The following PRKG2 variants were observed in gnomAD, a reference collection of about 807,000 sequenced individuals.
The protein encoded by PRKG2 is protein kinase cGMP-dependent 2.
A neutral mutation model predicts 97.2 loss-of-function variants in PRKG2; 33 were observed. The ratio of observed to expected loss-of-function variants is 0.34; its 90% CI spans 0.26 to 0.45. The LOEUF is 0.45. Ranked by LOEUF, PRKG2 falls within the 20% of genes least tolerant of loss-of-function variation. PRKG2 has a pLI of 1.00. For missense variants in PRKG2, 638 were observed against 900.0 expected (o/e 0.71, Z 3.73); for synonymous variants, 330 against 321.8 (o/e 1.03, Z -0.27).
chr4:81,156,630 T>C (rs1749123517), intron 6 of PRKG2, among the ~76,000 whole-genome samples: 1 of 152,080 alleles, frequency 6.6e-6, no homozygotes, highest in East Asian at 1.9e-4. Context: ...AATATACATT[T>C]TTTTCAGCAC....
chr4:81,150,136 T>TA (rs1399810371), intron 8 of PRKG2, among the ~76,000 whole-genome samples: 2 of 152,146 alleles, frequency 1.3e-5, no homozygotes, highest in Non-Finnish European at 2.9e-5. Flanking sequence ...GAAATAGACA[T>TA]AAGCATAGAC....
At chr4:81,133,862 A>G (rs1441108213) in intron 14 of PRKG2, among the ~76,000 whole-genome samples, 2 of 151,668 alleles carry the variant, frequency 1.3e-5, no homozygotes, top group African/African-American at 4.9e-5. Flanking sequence ...TTTTTTAAAA[A>G]TAGCTTTTTA....
intron 2 of PRKG2, among the ~76,000 whole-genome samples, chr4:81,180,709 G>A (rs1415720245): frequency 6.6e-6 from 1 of 152,130 alleles, no homozygotes; most frequent in Non-Finnish European, 1.5e-5. Flanking sequence ...CTAATTAATA[G>A]AATAAGCCAA....
intron 14 of PRKG2, among the ~76,000 whole-genome samples, chr4:81,118,490 CT>C (rs1744769823): frequency 6.6e-6 from 1 of 152,242 alleles, no homozygotes; most frequent in African/African-American, 2.4e-5. Flanking sequence ...AATTTAGCCA[CT>C]CTAATAGGTG....
At chr4:81,133,650 T>C (rs1306136610) in intron 14 of PRKG2, among the ~76,000 whole-genome samples, 2 of 152,176 alleles carry the variant, frequency 1.3e-5, no homozygotes, top group Non-Finnish European at 2.9e-5. Context: ...GTTTAATTCA[T>C]AGCTAGAAAT....
chr4:81,195,316 C>A (rs962063953), intron 2 of PRKG2, among the ~76,000 whole-genome samples: 9 of 152,172 alleles, frequency 5.9e-5, no homozygotes, highest in African/African-American at 1.4e-4. Context: ...CTGTCTGGAA[C>A]CTGAAACGTG....
chr4:81,101,072 G>C (rs1337209924), intron 17 of PRKG2, among the ~76,000 whole-genome samples: 2 of 151,926 alleles, frequency 1.3e-5, no homozygotes, highest in Non-Finnish European at 2.9e-5. Context: ...AACAACAGGT[G>C]CTGGAGAGGA....
chr4:81,159,605 C>T (rs1300074447), intron 6 of PRKG2, among the ~76,000 whole-genome samples: 4 of 152,164 alleles, frequency 2.6e-5, no homozygotes, highest in African/African-American at 9.7e-5. Flanking sequence ...CATCCTATTA[C>T]TGTGTATATA....
chr4:81,204,650 G>T lies in PRKG2; in HGVS notation c.398C>A (p.Thr133Asn). Residue 133 changes from threonine to asparagine, a missense_variant, in exon 2 of 19, where the codon ACC (threonine) becomes AAC (asparagine). Physicochemically the swap from Thr to Asn is moderately conservative, Grantham distance 65 (BLOSUM62 0). Coordinates refer to ENST00000264399, the MANE Select transcript of PRKG2 (RefSeq NM_006259.3). ...TTCAGGGGGTTTGTTCAGGTCATAG[G>T]TCCGGGTTGTTGGCTCAGCAGACAC... is the stretch of plus-strand genomic sequence containing the variant. ...AGVSAEPTTRTYDLNKPPEFS... is the reference protein window; with the variant it reads ...AGVSAEPTTRNYDLNKPPEFS... 1 of 1,614,140 alleles carries T rather than the reference G, an allele frequency of 6.2e-7. No homozygotes were observed. The highest frequency in any genetic ancestry group is 8.5e-7 in the Non-Finnish European group (1 of 1,180,034).
At chr4:81,195,401 T>C (rs1383035348) in intron 2 of PRKG2, among the ~76,000 whole-genome samples, 1 of 152,170 alleles carries the variant, frequency 6.6e-6, no homozygotes, top group Non-Finnish European at 1.5e-5. Context: ...AAAATATACA[T>C]AACATAAAAT....
At chr4:81,131,832 C>T (rs2110021663) in intron 14 of PRKG2, among the ~76,000 whole-genome samples, 1 of 152,216 alleles carries the variant, frequency 6.6e-6, no homozygotes, top group South Asian at 2.1e-4. Context: ...TATCATACTG[C>T]CTTGATTACT....
At chr4:81,129,719 A>C (rs1050155307) in intron 14 of PRKG2, among the ~76,000 whole-genome samples, 4 of 152,126 alleles carry the variant, frequency 2.6e-5, no homozygotes, top group African/African-American at 9.7e-5. Flanking sequence ...TTTTGAGCCT[A>C]TGTGTGTCTT....
intron 15 of PRKG2, among the ~76,000 whole-genome samples, chr4:81,109,121 C>T (rs1743652452): frequency 6.6e-6 from 1 of 152,144 alleles, no homozygotes; most frequent in Non-Finnish European, 1.5e-5. Flanking sequence ...AATATTTTCT[C>T]TTCCTTCCTT....
rs751785646 is a variant in PRKG2, at chr4:81,135,205, C to A, written c.1726G>T (p.Asp576Tyr). 1 of 1,611,662 alleles carries A rather than the reference C, an allele frequency of 6.2e-7. No homozygotes were observed. Among genetic ancestry groups the A allele is most frequent in the Non-Finnish European group, 8.5e-7 (1 of 1,178,558 alleles). ...AGAATTAAGTTTTCTGGTTTCAAGT[C>A]TCTGTAGATAATACCTAGTCGATGC... ...YLHRLGIIYR[D>Y]LKPENLILDA... is the part of the protein sequence containing the mutation. Residue 576 changes from aspartate to tyrosine, a missense_variant, in exon 14 of 19, where the codon GAC becomes TAC. This residue lies in a region of PRKG2 where 304 missense variants were observed against 460.5 expected (regional missense o/e 0.66). Transcript: ENST00000264399.
chr4:81,106,446 G>A (rs1743350998), intron 15 of PRKG2, among the ~76,000 whole-genome samples: 1 of 152,078 alleles, frequency 6.6e-6, no homozygotes, highest in African/African-American at 2.4e-5. Flanking sequence ...ACATAGATGA[G>A]GACAATATCG....
chr4:81,209,740 A>G (rs187651188), intron 1 of PRKG2, among the ~76,000 whole-genome samples: 4 of 152,276 alleles, frequency 2.6e-5, no homozygotes, highest in Admixed American at 2.0e-4. Context: ...ATCTTAGAGG[A>G]AAAACTTATT....
chr4:81,194,890 C>A (rs554147913), intron 2 of PRKG2, among the ~76,000 whole-genome samples: 242 of 151,780 alleles, frequency 1.6e-3, no homozygotes, highest in African/African-American at 5.8e-3. Context: ...ATGGTGGCTT[C>A]ATATGAGAAT....
intron 14 of PRKG2, among the ~76,000 whole-genome samples, chr4:81,122,266 A>G (rs1431004324): frequency 1.3e-5 from 2 of 152,218 alleles, no homozygotes; most frequent in Admixed American, 1.3e-4. Context: ...CAACCAGAAG[A>G]AAGGTTCTTA....
At chr4:81,191,949 T>C (rs1249767613) in intron 2 of PRKG2, among the ~76,000 whole-genome samples, 2 of 152,210 alleles carry the variant, frequency 1.3e-5, no homozygotes. Context: ...GGATATAATG[T>C]ACTACCCAGT....
Sources: gnomAD v4.1 joint callset for allele counts (sites outside exome capture counted in the v4.1 genomes callset) on GRCh38, gnomAD v4.1.1 for gene constraint, gnomAD v4.1.1 regional missense constraint, MANE v1.5 for transcripts, NCBI Gene and HGNC (gene_info 2026-07-23, HGNC 2026-07-21) for gene names.